The following JPH1 variants were observed in gnomAD, a reference collection of about 807,000 sequenced individuals.
The protein encoded by JPH1 is junctophilin 1.
In JPH1, 12 loss-of-function variants were observed where a neutral mutation model predicts 53.6. That is an observed-to-expected ratio of 0.22 (90% CI 0.14 to 0.36). The LOEUF is 0.36. Among genes scored for constraint, JPH1 ranks in the 10% least tolerant of loss-of-function variants. The pLI is 1.00. For missense variants in JPH1, 808 were observed against 905.5 expected (o/e 0.89, Z 1.38); for synonymous variants, 375 against 363.8 (o/e 1.03, Z -0.35).
chr8:74,277,133 C>A (rs984909839), intron 2 of JPH1, among the ~76,000 whole-genome samples: 2 of 152,172 alleles, frequency 1.3e-5, no homozygotes, highest in East Asian at 3.8e-4. Context: ...CAGGCCAAAC[C>A]CGCTCTAGCA....
intron 2 of JPH1, among the ~76,000 whole-genome samples, chr8:74,268,020 A>G (rs1231855446): frequency 6.6e-6 from 1 of 152,220 alleles, no homozygotes; most frequent in Non-Finnish European, 1.5e-5. Context: ...AGGCAGACCC[A>G]GGTGCACACC....
At chr8:74,271,383 G>A (rs1348616284) in intron 2 of JPH1, among the ~76,000 whole-genome samples, 1 of 152,208 alleles carries the variant, frequency 6.6e-6, no homozygotes, top group Non-Finnish European at 1.5e-5. Flanking sequence ...ACATCAGGCT[G>A]TACTTGCCAA....
intron 2 of JPH1, among the ~76,000 whole-genome samples, chr8:74,288,061 T>C (rs970589686): frequency 6.6e-5 from 10 of 152,160 alleles, no homozygotes; most frequent in Non-Finnish European, 1.5e-4. Context: ...ATTTATTGGA[T>C]GTGTTCTATC....
chr8:74,256,399 G>A (rs1347423944), intron 3 of JPH1, among the ~76,000 whole-genome samples: 1 of 151,838 alleles, frequency 6.6e-6, no homozygotes, highest in African/African-American at 2.4e-5. Flanking sequence ...TCATGGGGTG[G>A]GGGGAAGGGG....
chr8:74,306,412 C>A (rs190101432), intron 2 of JPH1, among the ~76,000 whole-genome samples: 116 of 152,206 alleles, frequency 7.6e-4, no homozygotes, highest in African/African-American at 2.7e-3. Flanking sequence ...AGGCACCCCC[C>A]CTTTCTCCCA....
rs189087530 is a variant in JPH1, at chr8:74,244,804, C to T, written c.1630G>A (p.Gly544Arg). 99 of 1,614,118 alleles carry T rather than the reference C, an allele frequency of 6.1e-5. No individual in the cohort carries two copies. The Admixed American group carries it at 6.2e-4, about 10-fold the overall frequency. ...CCGTGATACTGAGAATGCAGCTCCC[C>T]GTTACTGGGGTTGGGGATGTGGTGG... is the stretch of plus-strand genomic sequence containing the variant. ...GRHHIPNPSN[G>R]ELHSQYHGYY... The change falls in exon 4 of 6, where the codon GGG becomes AGG. Residue 544 changes from glycine to arginine, a missense_variant. Physicochemically the swap from Gly to Arg is moderately radical, Grantham distance 125 (BLOSUM62 -2). Coordinates refer to ENST00000342232, the MANE Select transcript of JPH1 (RefSeq NM_020647.4).
At chr8:74,245,698 C>T (rs1457941353) in intron 3 of JPH1, among the ~76,000 whole-genome samples, 2 of 152,078 alleles carry the variant, frequency 1.3e-5, no homozygotes, top group African/African-American at 4.8e-5. Context: ...CCATGTAGTC[C>T]ATTCACAGCT....
At position 74,315,327 on chromosome 8, in the gene JPH1, T is replaced by C; in HGVS notation, c.673A>G (p.Lys225Glu). Residue 225 changes from lysine to glutamate, a missense_variant, in exon 2 of 6, where the codon AAG becomes GAG. This residue lies in a region of JPH1 where 756 missense variants were observed against 811.9 expected (regional missense o/e 0.93). Coordinates refer to ENST00000342232, the MANE Select transcript of JPH1 (RefSeq NM_020647.4). This position sits in a 1 kb window ranked among gnomAD's most constrained non-coding sequence, Gnocchi z 6.3. ...GSLLGSMKLR[K>E]SESKSSISSK... is the part of the protein sequence containing the mutation. The stretch of plus-strand genomic sequence containing the variant: ...GAGATGGAAGACTTGGATTCGGACT[T>C]GCGAAGTTTCATGCTTCCAAGAAGG... The C allele has an allele frequency of 1.2e-6, 2 of 1,613,768 alleles. No individual in the cohort carries two copies. Among genetic ancestry groups the C allele is most frequent in the Non-Finnish European group, 1.7e-6 (2 of 1,180,020 alleles).
intron 2 of JPH1, among the ~76,000 whole-genome samples, chr8:74,265,221 G>T (rs1390342724): frequency 2.6e-5 from 4 of 152,282 alleles, no homozygotes; most frequent in South Asian, 2.1e-4. Context: ...ATGCTCAGGG[G>T]ACATATGTAA....
intron 2 of JPH1, among the ~76,000 whole-genome samples, chr8:74,294,048 C>T (rs991844904): frequency 1.1e-4 from 16 of 152,102 alleles, no homozygotes; most frequent in African/African-American, 3.1e-4. Context: ...ACAATGCAGG[C>T]GTCACTCTGG....
intron 2 of JPH1, among the ~76,000 whole-genome samples, chr8:74,296,779 G>T (rs140991678): frequency 6.6e-6 from 1 of 151,992 alleles, no homozygotes; most frequent in East Asian, 1.9e-4. Flanking sequence ...TATTTATAGC[G>T]TATAACGTGA....
intron 2 of JPH1, among the ~76,000 whole-genome samples, chr8:74,297,665 C>CATGT (rs1807559109): frequency 1.3e-5 from 2 of 152,196 alleles, no homozygotes; most frequent in African/African-American, 4.8e-5. Flanking sequence ...TCATGTCAGC[C>CATGT]ATGTGCTCAT....
chr8:74,305,638 A>G (rs1249885464), intron 2 of JPH1, among the ~76,000 whole-genome samples: 1 of 152,206 alleles, frequency 6.6e-6, no homozygotes, highest in African/African-American at 2.4e-5. Context: ...CTGGCTTATC[A>G]TCATCCTGGA....
chr8:74,275,908 T>C (rs971166366), intron 2 of JPH1, among the ~76,000 whole-genome samples: 3 of 152,158 alleles, frequency 2.0e-5, no homozygotes, highest in Non-Finnish European at 4.4e-5. Flanking sequence ...ATTCTGGCCT[T>C]AAAAAACAAT....
At chr8:74,297,597 G>A (rs538561472) in intron 2 of JPH1, among the ~76,000 whole-genome samples, 1 of 152,280 alleles carries the variant, frequency 6.6e-6, no homozygotes, top group East Asian at 1.9e-4. Context: ...CTGCATTTGG[G>A]GCCTGAAATT....
intron 2 of JPH1, among the ~76,000 whole-genome samples, chr8:74,285,230 C>T (rs558761724): frequency 3.8e-4 from 58 of 152,220 alleles, no homozygotes; most frequent in African/African-American, 1.4e-3. Context: ...CCTGATTCTG[C>T]TATTAACTGC....
At chr8:74,303,189 A>G (rs1385124937) in intron 2 of JPH1, among the ~76,000 whole-genome samples, 2 of 152,170 alleles carry the variant, frequency 1.3e-5, no homozygotes, top group African/African-American at 4.8e-5. Flanking sequence ...CTTTCTCTGC[A>G]TGTCCCGTAA....
intron 2 of JPH1, among the ~76,000 whole-genome samples, chr8:74,305,662 C>T (rs865837196): frequency 1.3e-5 from 2 of 152,162 alleles, no homozygotes; most frequent in Non-Finnish European, 2.9e-5. Flanking sequence ...TCAGTTTTCC[C>T]TTCCAGTCTT....
chr8:74,260,145 G>A (rs1806349446), intron 2 of JPH1, among the ~76,000 whole-genome samples: 1 of 152,218 alleles, frequency 6.6e-6, no homozygotes, highest in African/African-American at 2.4e-5. Flanking sequence ...ATGCTCAGAA[G>A]GGTTCCTGAG....
Sources: gnomAD v4.1 joint callset for allele counts (sites outside exome capture counted in the v4.1 genomes callset) on GRCh38, gnomAD v4.1.1 for gene constraint, gnomAD v4.1.1 regional missense constraint, Gnocchi (gnomAD v3.1) non-coding constraint, MANE v1.5 for transcripts, NCBI Gene and HGNC (gene_info 2026-07-23, HGNC 2026-07-21) for gene names.